The following MAGEC3 variants were observed in gnomAD, a reference collection of about 807,000 sequenced individuals.
MAGEC3 encodes melanoma-associated antigen C3.
A neutral mutation model predicts 35.3 loss-of-function variants in MAGEC3; 34 were observed. The observed-to-expected ratio is 0.96, with a 90% CI of 0.73 to 1.28. The LOEUF (loss-of-function observed/expected upper bound fraction) is 1.28, where lower values mean the gene tolerates loss of function less well. MAGEC3 is among the 50% of genes most tolerant of loss of function. MAGEC3 has a pLI of 0.00. For synonymous variants in MAGEC3, 202 were observed against 185.6 expected, an observed-to-expected ratio of 1.09 and a Z score of -0.72; for missense variants, 561 against 483.6, an observed-to-expected ratio of 1.16 and a Z score of -1.50.
At chrX:141,875,753 A>T (rs974995657) in intron 2 of MAGEC3, among the ~76,000 whole-genome samples, 2 of 111,966 alleles carry the variant, frequency 1.8e-5, no homozygotes, top group South Asian at 3.8e-4. Context: ...GAACAACTCC[A>T]TGAAGATAAT....
At chrX:141,871,136 A>G (rs1398687806) in intron 2 of MAGEC3, among the ~76,000 whole-genome samples, 1 of 111,943 alleles carries the variant, frequency 8.9e-6, no homozygotes, top group Non-Finnish European at 1.9e-5. Context: ...CATAACACAT[A>G]TATAACCACA....
intron 4 of MAGEC3, among the ~76,000 whole-genome samples, chrX:141,882,368 TCA>T (rs1214305322): frequency 8.9e-6 from 1 of 112,255 alleles, no homozygotes; most frequent in Non-Finnish European, 1.9e-5. Context: ...TAAATATTAG[TCA>T]CACATATATT....
intron 1 of MAGEC3, among the ~76,000 whole-genome samples, chrX:141,862,693 T>C (rs1448688585): frequency 8.9e-6 from 1 of 112,219 alleles, no homozygotes; most frequent in African/African-American, 3.2e-5. Context: ...AAGACAAATA[T>C]CACATGTTCT....
rs138172843 is a variant in MAGEC3, at chrX:141,881,687, A to G, written c.800A>G (p.Glu267Gly). 6 of 1,209,678 alleles carry G rather than the reference A, an allele frequency of 5.0e-6. No individual in the cohort carries two copies. The Admixed American group carries it at 8.7e-5, about 18-fold the overall frequency. ...ACCTGTGAGGGGAGTCTGAGTGATG[A>G]GCAGGGCATGCCCCAGAACCGCCTC... Reference protein sequence around the residue: ...DLTCEGSLSDEQGMPQNRLLI... With the variant: ...DLTCEGSLSDGQGMPQNRLLI... Residue 267 changes from glutamate (E) to glycine (G), a missense_variant, in exon 4 of 8, where the codon GAG becomes GGG. Coordinates refer to ENST00000298296, the MANE Select transcript of MAGEC3 (RefSeq NM_138702.1).
intron 4 of MAGEC3, among the ~76,000 whole-genome samples, chrX:141,885,523 G>C (rs1321415360): frequency 9.2e-6 from 1 of 108,232 alleles, no homozygotes; most frequent in Non-Finnish European, 1.9e-5. Context: ...AAATTAGCTG[G>C]GCATCGTGGT....
intron 1 of MAGEC3, among the ~76,000 whole-genome samples, chrX:141,847,476 T>C (rs935331616): frequency 4.5e-5 from 5 of 111,414 alleles, no homozygotes; most frequent in African/African-American, 9.7e-5. Context: ...CAGAGAAGAC[T>C]GAATATTCCA....
intron 1 of MAGEC3, chrX:141,839,522 C>T (rs1010276626): frequency 8.0e-6 from 6 of 752,078 alleles, no homozygotes; most frequent in South Asian, 6.8e-5. Context: ...TCTTGGCTGC[C>T]GGCTCTGGCT....
intron 2 of MAGEC3, among the ~76,000 whole-genome samples, chrX:141,871,322 G>A (rs1249993048): frequency 9.9e-5 from 11 of 110,620 alleles, no homozygotes; most frequent in Admixed American, 2.9e-4. Flanking sequence ...ACTTATTTAC[G>A]TCTAATTCCA....
intron 1 of MAGEC3, among the ~76,000 whole-genome samples, chrX:141,856,811 A>T (rs1603057762): frequency 8.9e-6 from 1 of 112,316 alleles, no homozygotes; most frequent in Admixed American, 9.5e-5. Flanking sequence ...ACACAGAAAG[A>T]TAAATACTGC....
chrX:141,845,931 A>G (rs947864130), intron 1 of MAGEC3, among the ~76,000 whole-genome samples: 3 of 111,047 alleles, frequency 2.7e-5, no homozygotes, highest in African/African-American at 9.8e-5. Flanking sequence ...ATGAATACAT[A>G]TGTGATAGAG....
Position 141,897,168 on chromosome X carries a change from A to T in MAGEC3, c.1410A>T (p.Lys470Asn), listed in dbSNP as rs1311848382. The T allele has an allele frequency of 8.3e-7, 1 of 1,211,924 alleles. No individual in the cohort carries two copies. The highest frequency in any genetic ancestry group is 1.1e-6 in the Non-Finnish European group (1 of 895,568). Reference sequence around the variant, plus strand: ...AGTTGGTGCAGTTTCTTCTCCTCAAATATCAAACAAAAGAGCCTGTCACAA... The same window carrying T: ...AGTTGGTGCAGTTTCTTCTCCTCAATTATCAAACAAAAGAGCCTGTCACAA... ...VAELVQFLLL[K>N]YQTKEPVTKA... Residue 470 changes from lysine (K) to asparagine (N), a missense_variant, in exon 7 of 8, where the codon AAA becomes AAT. Physicochemically the swap from Lys to Asn is moderately conservative, Grantham distance 94 (BLOSUM62 0). Coordinates refer to ENST00000298296, the MANE Select transcript of MAGEC3 (RefSeq NM_138702.1).
chrX:141,872,141 C>T (rs888428920), intron 2 of MAGEC3, among the ~76,000 whole-genome samples: 1 of 111,056 alleles, frequency 9.0e-6, no homozygotes, highest in Non-Finnish European at 1.9e-5. Flanking sequence ...GAACCTCTTG[C>T]CATTTGCCAT....
rs145290896 is a variant in MAGEC3 at position 141,857,424 on chromosome X, G to A, written c.124-8047G>A. On this transcript the variant is annotated intron_variant, in intron 1 of 7. Coordinates refer to ENST00000298296, the MANE Select transcript of MAGEC3 (RefSeq NM_138702.1). ...AAACCTCTATATTTTCCACATTTTCGCATCAGGTTTCTGTAGCACCCTGTC... is the reference window on the plus strand; with the variant it reads ...AAACCTCTATATTTTCCACATTTTCACATCAGGTTTCTGTAGCACCCTGTC... Among the ~76,000 whole-genome samples, 359 of 110,724 alleles carry A rather than the reference G, an allele frequency of 3.2e-3. 2 individuals are homozygous for A. Among genetic ancestry groups the A allele is most frequent in the African/African-American group, 0.011 (341 of 30,489 alleles).
chrX:141,888,010 A>G (rs1464175120), intron 4 of MAGEC3, among the ~76,000 whole-genome samples: 1 of 112,198 alleles, frequency 8.9e-6, no homozygotes, highest in Non-Finnish European at 1.9e-5. Flanking sequence ...TAGCCATAAA[A>G]TGGGTCATGC....
At position 141,881,760 on chromosome X, in the gene MAGEC3, T is replaced by C. The variant is rs772908516; in HGVS notation, c.873T>C (p.Ser291=). 5.0e-6 allele frequency: 6 copies of C among 1,209,706 alleles called. No individual in the cohort carries two copies. The highest frequency in any genetic ancestry group is 5.6e-6 in the Non-Finnish European group (5 of 895,182). Reference sequence around the variant, plus strand: ...TCTTCATAAAGGGCAACTGTGCATCTGAGGAGGTCATCTGGGAAGTGCTGA... The same window carrying C: ...TCTTCATAAAGGGCAACTGTGCATCCGAGGAGGTCATCTGGGAAGTGCTGA... ...SVIFIKGNCA[S]EEVIWEVLNA... Residue 291 remains serine, a synonymous_variant, in exon 4 of 8, where the codon TCT becomes TCC. Transcript: ENST00000298296.
intron 4 of MAGEC3, among the ~76,000 whole-genome samples, chrX:141,885,458 A>G (rs1298314999): frequency 9.2e-6 from 1 of 108,821 alleles, no homozygotes; most frequent in Non-Finnish European, 1.9e-5. Context: ...TGAGGTCAGG[A>G]GTTCAAGACT....
At chrX:141,894,718 T>C (rs2018070520) in intron 4 of MAGEC3, 2 of 967,403 alleles carry the variant, frequency 2.1e-6, no homozygotes, top group South Asian at 2.0e-5. Context: ...TGTGGAAGGA[T>C]AGCTATCTCC....
chrX:141,838,441 G>T lies in MAGEC3; in HGVS notation c.123+3G>T. On this transcript the variant is annotated splice_donor_region_variant and intron_variant, in intron 1 of 7. Transcript: ENST00000298296. ...TGGTGCTCCCACCTCAGCCCCAGGT[G>T]TGGTAGCCCATGAATGCTCATGTCT... The T allele has an allele frequency of 8.3e-7, 1 of 1,206,339 alleles. No individual in the cohort carries two copies. The highest frequency in any genetic ancestry group is 1.1e-6 in the Non-Finnish European group (1 of 891,936).
rs5953636 is a variant in MAGEC3, at chrX:141,889,361, C to T, written c.910-5908C>T. 2.5e-3 allele frequency among the ~76,000 whole-genome samples: 283 copies of T among 111,786 alleles called. 2 individuals carry two copies. The highest frequency in any genetic ancestry group is 9.1e-3 in the African/African-American group (279 of 30,733). ...ACCATCACCCCTAGGGACCCACTAGCAACACTTTTGCTTCCTATTCCCATG... is the reference window on the plus strand; with the variant it reads ...ACCATCACCCCTAGGGACCCACTAGTAACACTTTTGCTTCCTATTCCCATG... On this transcript the variant is annotated intron_variant, in intron 4 of 7. Coordinates refer to ENST00000298296, the MANE Select transcript of MAGEC3 (RefSeq NM_138702.1).
Sources: gnomAD v4.1 joint callset for allele counts (sites outside exome capture counted in the v4.1 genomes callset) on GRCh38, gnomAD v4.1.1 for gene constraint, MANE v1.5 for transcripts, NCBI Gene and HGNC (gene_info 2026-07-23, HGNC 2026-07-21) for gene names.